Variants in DERA observed in about 807,000 individuals in gnomAD.
DERA encodes the protein deoxyribose-phosphate aldolase.
Under a neutral mutation model 41.1 loss-of-function variants are expected in DERA, and 15 were observed. The ratio of observed to expected loss-of-function variants is 0.37; its 90% CI spans 0.24 to 0.56. DERA has a LOEUF of 0.56. DERA is among the 20% of genes least tolerant of loss of function. The pLI, the probability that DERA is intolerant of heterozygous loss-of-function variation, is 0.81. For missense variants in DERA, 396 were observed against 403.4 expected, an observed-to-expected ratio of 0.98 and a Z score of 0.16; for synonymous variants, 139 against 137.4, an observed-to-expected ratio of 1.01 and a Z score of -0.08.
At chr12:15,997,316 T>A (rs1225093081) in intron 6 of DERA, among the ~76,000 whole-genome samples, 2 of 152,008 alleles carry the variant, frequency 1.3e-5, no homozygotes, top group Non-Finnish European at 2.9e-5. Flanking sequence ...ATTTGCTGTT[T>A]AAAAAAAATA....
chr12:16,004,725 C>A lies in DERA; in HGVS notation c.637+22289C>A, dbSNP rs1203143588. On this transcript the variant is annotated intron_variant, in intron 6 of 8. Coordinates refer to ENST00000428559, the MANE Select transcript of DERA (RefSeq NM_015954.4). The surrounding 1 kb of genome is among the most constrained non-coding windows in gnomAD (Gnocchi z 4.2). Reference sequence around the variant, plus strand: ...TTGGTTCTTTGTTACATTCTTTTTTCAAAAACCAAGGTGGATTATGTTTAT... The same window carrying A: ...TTGGTTCTTTGTTACATTCTTTTTTAAAAAACCAAGGTGGATTATGTTTAT... Among the ~76,000 whole-genome samples the A allele has an allele frequency of 6.6e-6, 1 of 151,840 alleles. No homozygotes were observed. Among genetic ancestry groups the A allele is most frequent in the African/African-American group, 2.4e-5 (1 of 41,342 alleles).
chr12:16,030,455 G>A (rs1183651041), intron 6 of DERA, among the ~76,000 whole-genome samples: 1 of 152,060 alleles, frequency 6.6e-6, no homozygotes, highest in Non-Finnish European at 1.5e-5. Flanking sequence ...CATTTTTGAT[G>A]TTGTAGGCAT....
intron 1 of DERA, among the ~76,000 whole-genome samples, chr12:15,942,246 G>A (rs375621848): frequency 3.9e-5 from 6 of 152,214 alleles, no homozygotes; most frequent in African/African-American, 1.4e-4. Flanking sequence ...TGAGTTCCTT[G>A]TAGATTCTGA....
At chr12:15,956,145 T>C (rs1017439367) in intron 1 of DERA, among the ~76,000 whole-genome samples, 2 of 152,190 alleles carry the variant, frequency 1.3e-5, no homozygotes, top group African/African-American at 4.8e-5. Context: ...CCTTGATGAA[T>C]TGATTACAAG....
In DERA at chr12:15,984,970, A is replaced by T. The variant is rs571189483; in HGVS notation, c.637+2534A>T. On this transcript the variant is annotated intron_variant, in intron 6 of 8. Coordinates refer to ENST00000428559, the MANE Select transcript of DERA (RefSeq NM_015954.4). This position sits in a 1 kb window ranked among gnomAD's most constrained non-coding sequence, Gnocchi z 4.5. Reference sequence around the variant, plus strand: ...TTCTACTTCTGTGGTGGTATAAAAAATTTTTTCTTAAATCAATTTCATTGA... The same window carrying T: ...TTCTACTTCTGTGGTGGTATAAAAATTTTTTTCTTAAATCAATTTCATTGA... 3.2e-4 allele frequency among the ~76,000 whole-genome samples: 48 copies of T among 152,262 alleles called. No individual in the cohort carries two copies. In the South Asian group the frequency reaches 7.9e-3, roughly 25 times the overall value.
Position 16,013,681 on chromosome 12 carries a change from G to A in DERA, c.638-18861G>A, listed in dbSNP as rs979383097. Among the ~76,000 whole-genome samples the A allele has an allele frequency of 2.0e-5, 3 of 152,206 alleles. No homozygotes were observed. The highest frequency in any genetic ancestry group is 4.8e-5 in the African/African-American group (2 of 41,458). The stretch of plus-strand genomic sequence containing the variant: ...GTGGGACACTGCTATAAGGATACCC[G>A]AAAATGCGGAAGCAACTTTGGAACT... On this transcript the variant is annotated intron_variant, in intron 6 of 8. Transcript: ENST00000428559. The surrounding 1 kb of genome is among the most constrained non-coding windows in gnomAD (Gnocchi z 5.8).
In DERA at chr12:15,934,006, G is replaced by T. The variant is rs114025483; in HGVS notation, c.31+22592G>T. ...TCTGTGGTTAAGTTACTCAGAGAAGGCCTCCAACATCAAGTTGGTTGTACT... is the reference window on the plus strand; with the variant it reads ...TCTGTGGTTAAGTTACTCAGAGAAGTCCTCCAACATCAAGTTGGTTGTACT... On this transcript the variant is annotated intron_variant, in intron 1 of 8. Transcript: ENST00000428559. 8.9e-4 allele frequency among the ~76,000 whole-genome samples: 135 copies of T among 152,272 alleles called. 1 individual carries two copies. Among genetic ancestry groups the T allele is most frequent in the African/African-American group, 3.2e-3 (131 of 41,552 alleles).
At position 15,917,680 on chromosome 12, in the gene DERA, A is replaced by G. The variant is rs138926806; in HGVS notation, c.31+6266A>G. On this transcript the variant is annotated intron_variant, in intron 1 of 8. Transcript: ENST00000428559. The stretch of plus-strand genomic sequence containing the variant: ...AGTTTTTTACCCTTTGCTTTACACC[A>G]ACGGTCCCGGACCTTTTTGGCACCA... Among the ~76,000 whole-genome samples the G allele has an allele frequency of 2.0e-5, 3 of 152,302 alleles. 1 individual carries two copies. Among genetic ancestry groups the G allele is most frequent in the Admixed American group, 1.3e-4 (2 of 15,300 alleles).
At chr12:15,947,983 A>G (rs1948464864) in intron 1 of DERA, among the ~76,000 whole-genome samples, 1 of 152,214 alleles carries the variant, frequency 6.6e-6, no homozygotes, top group South Asian at 2.1e-4. Flanking sequence ...GCTGGTTATG[A>G]AATTCTGGGT....
At position 16,036,705 on chromosome 12, in the gene DERA, A is replaced by G. The variant is rs781202176; in HGVS notation, c.916A>G (p.Thr306Ala). 1.2e-6 allele frequency: 2 copies of G among 1,604,346 alleles called. No individual in the cohort carries two copies. The highest frequency in any genetic ancestry group is 1.7e-5 in the Admixed American group (1 of 57,756). The change falls in exon 9 of 9, where the codon ACT becomes GCT. Residue 306 changes from threonine to alanine, a missense_variant. Thr to Ala is a moderately conservative substitution (Grantham distance 58). Coordinates refer to ENST00000428559, the MANE Select transcript of DERA (RefSeq NM_015954.4). The surrounding 1 kb of genome is among the most constrained non-coding windows in gnomAD (Gnocchi z 4.9). ...DIERQIYHHV[T>A]GRYAAYHDLP... ...TTCCTCACAGATTTACCATCATGTGACTGGAAGATATGCAGCTTATCATGA... is the reference window on the plus strand; with the variant it reads ...TTCCTCACAGATTTACCATCATGTGGCTGGAAGATATGCAGCTTATCATGA...
chr12:15,932,535 A>C (rs560297371), intron 1 of DERA, among the ~76,000 whole-genome samples: 1 of 152,080 alleles, frequency 6.6e-6, no homozygotes, highest in Admixed American at 6.5e-5. Flanking sequence ...CTGTAGTCCC[A>C]GCTACTTGAG....
intron 1 of DERA, among the ~76,000 whole-genome samples, chr12:15,947,660 C>G (rs1316870905): frequency 6.6e-6 from 1 of 152,148 alleles, no homozygotes; most frequent in Non-Finnish European, 1.5e-5. Flanking sequence ...GACTCTTTAT[C>G]CAATTTGCCA....
At chr12:16,030,495 A>G (rs1280235901) in intron 6 of DERA, among the ~76,000 whole-genome samples, 1 of 152,132 alleles carries the variant, frequency 6.6e-6, no homozygotes, top group African/African-American at 2.4e-5. Context: ...CTGTTCATCT[A>G]TGCATTTATT....
intron 2 of DERA, 113 bp from the exon 3 acceptor site, chr12:15,958,075 A>G (rs1948553654): frequency 1.3e-6 from 1 of 790,904 alleles, no homozygotes. Flanking sequence ...GTGTAGGCAT[A>G]AGATATTAAC....
Position 15,942,368 on chromosome 12 carries a change from A to C in DERA, c.32-14568A>C, listed in dbSNP as rs574186643. Among the ~76,000 whole-genome samples the C allele has an allele frequency of 8.5e-5, 13 of 152,148 alleles. No individual in the cohort carries two copies. In the East Asian group the frequency reaches 2.3e-3, roughly 27 times the overall value. ...TGTGCAGAAGCTTCTTAGTTTAATT[A>C]GGTCCCATTTATTTATTTTTGTTGT... On this transcript the variant is annotated intron_variant, in intron 1 of 8. Coordinates refer to ENST00000428559, the MANE Select transcript of DERA (RefSeq NM_015954.4).
intron 6 of DERA, among the ~76,000 whole-genome samples, chr12:16,029,486 C>T (rs1229239759): frequency 6.6e-6 from 1 of 152,062 alleles, no homozygotes; most frequent in Non-Finnish European, 1.5e-5. Context: ...AGCCACCAGC[C>T]CAGTTTTGTT....
At chr12:16,030,297 A>G (rs549734794) in intron 6 of DERA, among the ~76,000 whole-genome samples, 9 of 152,138 alleles carry the variant, frequency 5.9e-5, no homozygotes, top group African/African-American at 2.2e-4. Context: ...GGTGATATCC[A>G]TTATTATACC....
intron 1 of DERA, among the ~76,000 whole-genome samples, chr12:15,927,216 C>G (rs1249837911): frequency 6.6e-6 from 1 of 152,136 alleles, no homozygotes; most frequent in African/African-American, 2.4e-5. Context: ...TTAGAACATG[C>G]TAGGCTTTTC....
chr12:15,982,170 A>T lies in DERA; in HGVS notation c.509-138A>T. The T allele has an allele frequency of 1.2e-6, 1 of 834,418 alleles. No individual in the cohort carries two copies. Among genetic ancestry groups the T allele is most frequent in the Non-Finnish European group, 1.8e-6 (1 of 550,220 alleles). The allele number at this position is 834,418 out of a possible 1,614,324, so 51.7% of individuals were successfully genotyped here. On this transcript the variant is annotated intron_variant, in intron 5 of 8. Transcript: ENST00000428559. The surrounding 1 kb of genome is among the most constrained non-coding windows in gnomAD (Gnocchi z 4.0). The stretch of plus-strand genomic sequence containing the variant: ...GCAACAGAATGCTCCAGGCAATGTT[A>T]AATTGGGGTGATTTTTAGAAAGTGA...
Sources: allele counts gnomAD v4.1 joint callset (sites outside exome capture counted in the v4.1 genomes callset), GRCh38; gene constraint gnomAD v4.1.1; non-coding constraint Gnocchi (gnomAD v3.1); transcripts MANE v1.5; gene names NCBI Gene and HGNC (gene_info 2026-07-23, HGNC 2026-07-21).